ARRB2: variants seen among roughly 807,000 people sequenced by gnomAD.
ARRB2 encodes beta-arrestin-2.
In ARRB2, 21 loss-of-function variants were observed where a neutral mutation model predicts 53.4. That is an observed-to-expected ratio of 0.39 (90% CI 0.28 to 0.57). The LOEUF (loss-of-function observed/expected upper bound fraction) is 0.57. ARRB2 is among the 20% of genes least tolerant of loss of function. The pLI is 0.55. For synonymous variants in ARRB2, 180 were observed against 212.9 expected, an observed-to-expected ratio of 0.85 and a Z score of 1.34; for missense variants, 369 against 527.5, an observed-to-expected ratio of 0.70 and a Z score of 2.94.
chr17:4,718,144 C>G lies in ARRB2; in HGVS notation c.622-117C>G. On this transcript the variant is annotated intron_variant, in intron 8 of 14. Transcript: ENST00000269260. ...TGCCTTGGCTGGGTGTGGACAGTTG[C>G]CGTGGGCTTGGGTTTGAGGGGAGGG... The G allele has an allele frequency of 1.9e-6, 3 of 1,557,268 alleles. No individual in the cohort carries two copies. In the South Asian group the frequency reaches 3.5e-5, roughly 18 times the overall value.
chr17:4,720,465 C>T lies in ARRB2; in HGVS notation c.1074C>T (p.Pro358=), dbSNP rs147324536. ...KPHDHIPLPR[P]QSAAPETDVP... is the part of the protein sequence containing the mutation. ...ACGACCACATCCCCCTCCCCAGACC[C>T]CAGTCAGGTGAGCACACTACCCACC... The change falls in exon 13 of 15, where the codon CCC becomes CCT. Residue 358 remains proline (P), a synonymous_variant. Coordinates refer to ENST00000269260, the MANE Select transcript of ARRB2 (RefSeq NM_004313.4). 37 of 1,612,856 alleles carry T rather than the reference C, an allele frequency of 2.3e-5. No individual in the cohort carries two copies. The highest frequency in any genetic ancestry group is 3.1e-5 in the Non-Finnish European group (36 of 1,179,202).
intron 2 of ARRB2, chr17:4,715,723 A>ACACACAAACC (rs1914959218): frequency 2.1e-6 from 1 of 479,794 alleles, no homozygotes; most frequent in Non-Finnish European, 3.7e-6. Flanking sequence ...ACACACACAC[A>ACACACAAACC]CAAACACACA....
In ARRB2 at chr17:4,717,858, T is replaced by C. The variant is rs572320777; in HGVS notation, c.486-30T>C. Reference sequence around the variant, plus strand: ...GAGTAGGGTTGGGGTGTGTGAGGAATGACCCCTCCTGCCCCTACTCTGATC... The same window carrying C: ...GAGTAGGGTTGGGGTGTGTGAGGAACGACCCCTCCTGCCCCTACTCTGATC... On this transcript the variant is annotated intron_variant, in intron 7 of 14. Transcript: ENST00000269260. The surrounding 1 kb of genome is among the most constrained non-coding windows in gnomAD (Gnocchi z 6.0). 6.2e-7 allele frequency: 1 copy of C among 1,613,404 alleles called. No individual in the cohort carries two copies. The highest frequency in any genetic ancestry group is 1.7e-5 in the Admixed American group (1 of 59,998).
rs772430927 is a variant in ARRB2, at chr17:4,720,651, C to A, written c.1136+11C>A. 11 of 1,556,422 alleles carry A rather than the reference C, an allele frequency of 7.1e-6. No individual in the cohort carries two copies. The African/African-American group carries it at 9.6e-5, about 14-fold the overall frequency. On this transcript the variant is annotated intron_variant, in intron 14 of 14. Coordinates refer to ENST00000269260, the MANE Select transcript of ARRB2 (RefSeq NM_004313.4). ...TGAATTTGATACCAAGTAAGAAACT[C>A]ATTCCCCTACTTGACCCTCTTGGGA...
chr17:4,711,963 C>T (rs1305743744), intron 1 of ARRB2, among the ~76,000 whole-genome samples: 1 of 152,234 alleles, frequency 6.6e-6, no homozygotes, highest in African/African-American at 2.4e-5. Flanking sequence ...CCTCCTTGGC[C>T]AGCCTAGTAT....
At chr17:4,719,201 G>A in intron 10 of ARRB2, 82 bp from the exon 11 acceptor site, 1 of 1,509,256 alleles carries the variant, frequency 6.6e-7, no homozygotes, top group South Asian at 1.3e-5. Context: ...TAGTGAGGGG[G>A]AGATGCTGCT....
intron 5 of ARRB2, chr17:4,716,920 C>T (rs1364789299): frequency 1.2e-5 from 7 of 598,904 alleles, no homozygotes; most frequent in South Asian, 2.0e-5. Flanking sequence ...CTGCAACCTC[C>T]GCCTCCCAGG....
chr17:4,716,992 A>C, intron 5 of ARRB2: 1 of 594,334 alleles, frequency 1.7e-6, no homozygotes. Context: ...GCACCACCAC[A>C]CACGACTAAT....
intron 1 of ARRB2, 84 bp from the exon 2 acceptor site, chr17:4,714,929 C>G (rs1437869638): frequency 1.4e-6 from 2 of 1,456,244 alleles, no homozygotes; most frequent in Admixed American, 4.2e-5. Flanking sequence ...CACTGCTTCT[C>G]AGGCCTGGGA....
At chr17:4,711,162 C>T (rs1226310465) in intron 1 of ARRB2, among the ~76,000 whole-genome samples, 1 of 152,046 alleles carries the variant, frequency 6.6e-6, no homozygotes, top group African/African-American at 2.4e-5. Context: ...TCCAATATCC[C>T]CCAGGTAGTC....
chr17:4,721,136 C>T lies in ARRB2; in HGVS notation c.*97C>T, dbSNP rs2150607523. 1 of 1,271,724 alleles carries T rather than the reference C, an allele frequency of 7.9e-7. No homozygotes were observed. Among genetic ancestry groups the T allele is most frequent in the Non-Finnish European group, 1.1e-6 (1 of 893,478 alleles). 78.8% of individuals were successfully genotyped at this position (1,271,724 alleles called of 1,614,324 possible). A position where few individuals can be genotyped will look rare whatever the true frequency, so the allele number is the denominator to read the frequency against. ...ATGGGGGATTGTCCCAGCCCCTCTT[C>T]CCTTCCCCTCACCTGGAAGCTTCTT... On this transcript the variant is annotated 3_prime_UTR_variant, in exon 15 of 15. Transcript: ENST00000269260. The surrounding 1 kb of genome is among the most constrained non-coding windows in gnomAD (Gnocchi z 4.2).
At chr17:4,716,668 G>A in intron 5 of ARRB2, 60 bp downstream of exon 5, 5 of 1,534,430 alleles carry the variant, frequency 3.3e-6, no homozygotes, top group African/African-American at 1.4e-5. Context: ...TGTCTGGGGT[G>A]GGGGTAAGGC....
Position 4,718,327 on chromosome 17 carries a change from A to G in ARRB2, c.688A>G (p.Lys230Glu). 1 of 1,611,612 alleles carries G rather than the reference A, an allele frequency of 6.2e-7. No individual in the cohort carries two copies. The highest frequency in any genetic ancestry group is 8.5e-7 in the Non-Finnish European group (1 of 1,178,838). Residue 230 changes from lysine (K) to glutamate (E), a missense_variant, in exon 9 of 15, where the codon AAG becomes GAG. Lys to Glu is a moderately conservative substitution (Grantham distance 56, BLOSUM62 1). Coordinates refer to ENST00000269260, the MANE Select transcript of ARRB2 (RefSeq NM_004313.4). Reference sequence around the variant, plus strand: ...CACCAACAACTCCACCAAGACCGTCAAGAAGATCAAAGTCTCTGGTAGGAG... The same window carrying G: ...CACCAACAACTCCACCAAGACCGTCGAGAAGATCAAAGTCTCTGGTAGGAG... ...HVTNNSTKTVKKIKVSVRQYA... is the reference protein window; with the variant it reads ...HVTNNSTKTVEKIKVSVRQYA...
At chr17:4,714,980 G>A (rs1436398369) in intron 1 of ARRB2, 33 bp from the exon 2 acceptor site, 2 of 1,584,940 alleles carry the variant, frequency 1.3e-6, no homozygotes, top group Non-Finnish European at 1.7e-6. Flanking sequence ...GAGTCTGAGG[G>A]AGGCAGTGGG....
intron 9 of ARRB2, 54 bp from the exon 10 acceptor site, chr17:4,718,558 G>A (rs546145149): frequency 1.9e-6 from 3 of 1,572,514 alleles, no homozygotes; most frequent in African/African-American, 2.7e-5. Context: ...GAGTTGTGGT[G>A]TGGTGGTGGC....
chr17:4,717,710 G>T lies in ARRB2; in HGVS notation c.443G>T (p.Arg148Leu), dbSNP rs757321101. 6.2e-7 allele frequency: 1 copy of T among 1,614,166 alleles called. No individual in the cohort carries two copies. The highest frequency in any genetic ancestry group is 1.1e-5 in the South Asian group (1 of 91,086). ...GKACGVDFEI[R>L]AFCAKSLEEK... Reference sequence around the variant, plus strand: ...GCCTGCGGCGTAGACTTTGAGATTCGAGCCTTCTGTGCTAAATCACTAGAA... The same window carrying T: ...GCCTGCGGCGTAGACTTTGAGATTCTAGCCTTCTGTGCTAAATCACTAGAA... Residue 148 changes from arginine to leucine, a missense_variant, in exon 7 of 15, where the codon CGA becomes CTA. By Grantham distance (102) the Arg-to-Leu change is moderately radical. Transcript: ENST00000269260. The surrounding 1 kb of genome is among the most constrained non-coding windows in gnomAD (Gnocchi z 6.0).
chr17:4,720,649 C>G lies in ARRB2; in HGVS notation c.1136+9C>G, dbSNP rs767809587. Reference sequence around the variant, plus strand: ...ATTGAATTTGATACCAAGTAAGAAACTCATTCCCCTACTTGACCCTCTTGG... The same window carrying G: ...ATTGAATTTGATACCAAGTAAGAAAGTCATTCCCCTACTTGACCCTCTTGG... On this transcript the variant is annotated intron_variant, in intron 14 of 14. Transcript: ENST00000269260. The G allele has an allele frequency of 6.4e-7, 1 of 1,557,940 alleles. No individual in the cohort carries two copies. The highest frequency in any genetic ancestry group is 1.2e-5 in the South Asian group (1 of 82,452).
chr17:4,716,718 A>G, intron 5 of ARRB2, 110 bp downstream of exon 5: 1 of 1,459,860 alleles, frequency 6.8e-7, no homozygotes, highest in Non-Finnish European at 9.0e-7. Flanking sequence ...TGAGGCAGGG[A>G]CCCTAGATCC....
At chr17:4,712,397 G>C (rs1567678729) in intron 1 of ARRB2, among the ~76,000 whole-genome samples, 2 of 152,236 alleles carry the variant, frequency 1.3e-5, no homozygotes, top group Non-Finnish European at 1.5e-5. Flanking sequence ...AAACCATGTA[G>C]GGCCAAAGGC....
Sources: gnomAD v4.1 joint callset for allele counts (sites outside exome capture counted in the v4.1 genomes callset) on GRCh38, gnomAD v4.1.1 for gene constraint, Gnocchi (gnomAD v3.1) non-coding constraint, MANE v1.5 for transcripts, NCBI Gene and HGNC (gene_info 2026-07-23, HGNC 2026-07-21) for gene names.